Variants in BACE1 observed in about 807,000 individuals in gnomAD.
BACE1 encodes the protein APP beta-secretase.
A neutral mutation model predicts 54.0 loss-of-function variants in BACE1; 21 were observed. That is an observed-to-expected ratio of 0.39 (90% CI 0.28 to 0.56). The LOEUF (loss-of-function observed/expected upper bound fraction) is 0.56. Ranked by LOEUF, BACE1 falls within the 20% of genes least tolerant of loss-of-function variation. BACE1 has a pLI of 0.63. For synonymous variants in BACE1, 232 were observed against 260.9 expected (o/e 0.89, Z 1.07); for missense variants, 511 against 661.2 (o/e 0.77, Z 2.49).
At chr11:117,291,401 CT>C (rs1483006076) in intron 6 of BACE1, among the ~76,000 whole-genome samples, 1 of 152,134 alleles carries the variant, frequency 6.6e-6, no homozygotes, top group East Asian at 1.9e-4. Flanking sequence ...TCTCAGCCCC[CT>C]GAGTAGCTAG....
chr11:117,311,586 C>T (rs974197035), intron 1 of BACE1, among the ~76,000 whole-genome samples: 1 of 152,164 alleles, frequency 6.6e-6, no homozygotes, highest in Non-Finnish European at 1.5e-5. Flanking sequence ...GAGGGCCTCA[C>T]ACCTGGACTG....
At chr11:117,312,524 G>T (rs1028732495) in intron 1 of BACE1, among the ~76,000 whole-genome samples, 2 of 152,086 alleles carry the variant, frequency 1.3e-5, no homozygotes, top group South Asian at 2.1e-4. Flanking sequence ...GTGCAATGGC[G>T]TGATCTCGGC....
chr11:117,307,858 G>T (rs1385432175), intron 1 of BACE1, among the ~76,000 whole-genome samples: 1 of 152,182 alleles, frequency 6.6e-6, no homozygotes, highest in Non-Finnish European at 1.5e-5. Flanking sequence ...AGTTGTGGTG[G>T]CAGGGACTGG....
Position 117,293,247 on chromosome 11 carries a change from A to T in BACE1, c.706-59T>A. ...GGCACAGAAGGAGAGTGAGTCCCCC[A>T]AGGACCAAGCAATAAGATCAGTGAT... On this transcript the variant is annotated intron_variant, in intron 4 of 8. Coordinates refer to ENST00000313005, the MANE Select transcript of BACE1 (RefSeq NM_012104.6). The surrounding 1 kb of genome is among the most constrained non-coding windows in gnomAD (Gnocchi z 4.1). The T allele has an allele frequency of 1.3e-6, 2 of 1,579,988 alleles. No individual in the cohort carries two copies. The highest frequency in any genetic ancestry group is 8.6e-7 in the Non-Finnish European group (1 of 1,161,030).
chr11:117,306,290 T>C (rs2034832051), intron 1 of BACE1, among the ~76,000 whole-genome samples: 1 of 152,194 alleles, frequency 6.6e-6, no homozygotes, highest in Non-Finnish European at 1.5e-5. Flanking sequence ...ATTCGCCACC[T>C]GTTTTTCATG....
chr11:117,304,890 AT>A (rs373918923), intron 1 of BACE1, among the ~76,000 whole-genome samples: 20 of 146,040 alleles, frequency 1.4e-4, no homozygotes, highest in East Asian at 4.0e-4. Context: ...CTCCGTAATG[AT>A]TTTTTTTTTA....
At chr11:117,299,908 CACA>C (rs1454594643) in intron 1 of BACE1, among the ~76,000 whole-genome samples, 4 of 152,190 alleles carry the variant, frequency 2.6e-5, no homozygotes, top group African/African-American at 4.8e-5. Flanking sequence ...GGATCTCCTC[CACA>C]ACAAGTCTCT....
intron 1 of BACE1, among the ~76,000 whole-genome samples, chr11:117,304,390 C>T (rs1393401765): frequency 6.6e-6 from 1 of 152,202 alleles, no homozygotes; most frequent in African/African-American, 2.4e-5. Context: ...ACACGGAATC[C>T]TGAAAAAATG....
chr11:117,299,635 C>A, intron 1 of BACE1: 1 of 391,344 alleles, frequency 2.6e-6, no homozygotes, highest in Non-Finnish European at 5.1e-6. Flanking sequence ...CCTCCCTGCC[C>A]CTCTTCCCCT....
Position 117,315,643 on chromosome 11 carries a change from G to C in BACE1, c.153C>G (p.Pro51=). The change falls in exon 1 of 9, where the codon CCC becomes CCG. Residue 51 remains proline, a synonymous_variant. Transcript: ENST00000313005. The surrounding 1 kb of genome is among the most constrained non-coding windows in gnomAD (Gnocchi z 5.5). ...AGCTGCCCCTCCGGCCGGGCTCCTC[G>C]GGCTCTTCGTCGGTCTCCCGGGGCA... ...LRLPRETDEE[P]EEPGRRGSFV... 1 of 1,581,706 alleles carries C rather than the reference G, an allele frequency of 6.3e-7. No homozygotes were observed. The highest frequency in any genetic ancestry group is 1.4e-5 in the African/African-American group (1 of 71,868).
chr11:117,312,681 G>A (rs755692229), intron 1 of BACE1, among the ~76,000 whole-genome samples: 14 of 151,936 alleles, frequency 9.2e-5, no homozygotes, highest in Admixed American at 6.6e-4. Context: ...CAGGCTGGTC[G>A]CGAACTCCTG....
chr11:117,294,116 G>A lies in BACE1; in HGVS notation c.568-108C>T. On this transcript the variant is annotated intron_variant, in intron 3 of 8. Coordinates refer to ENST00000313005, the MANE Select transcript of BACE1 (RefSeq NM_012104.6). The stretch of plus-strand genomic sequence containing the variant: ...TTTGAAGGCTTGGGGGATGCTCCTT[G>A]GGAAAGACCATCTTAAGGCACTGAG... 3.0e-6 allele frequency: 4 copies of A among 1,311,752 alleles called. No homozygotes were observed. In the East Asian group the frequency reaches 9.6e-5, roughly 32 times the overall value. 81.3% of individuals were successfully genotyped at this position (1,311,752 alleles called of 1,614,324 possible). A position where few individuals can be genotyped will look rare whatever the true frequency, so the allele number is the denominator to read the frequency against.
At chr11:117,297,218 A>C (rs2034621935) in intron 1 of BACE1, 2 of 442,830 alleles carry the variant, frequency 4.5e-6, no homozygotes, top group Non-Finnish European at 7.9e-6. Flanking sequence ...AACTGAAAAA[A>C]GGCAGATTAG....
chr11:117,315,710 G>A lies in BACE1; in HGVS notation c.86C>T (p.Pro29Leu). 1 of 1,497,754 alleles carries A rather than the reference G, an allele frequency of 6.7e-7. No homozygotes were observed. The highest frequency in any genetic ancestry group is 8.9e-7 in the Non-Finnish European group (1 of 1,126,232). 92.8% of individuals were successfully genotyped at this position (1,497,754 alleles called of 1,614,324 possible). A position where few individuals can be genotyped will look rare whatever the true frequency, so the allele number is the denominator to read the frequency against. Residue 29 changes from proline (P) to leucine (L), a missense_variant, in exon 1 of 9, where the codon CCC (proline) becomes CTC (leucine). Coordinates refer to ENST00000313005, the MANE Select transcript of BACE1 (RefSeq NM_012104.6). This position sits in a 1 kb window ranked among gnomAD's most constrained non-coding sequence, Gnocchi z 5.5. ...AHGTQHGIRL[P>L]LRSGLGGAPL... ...GGCGCCCCCCAGGCCGCTGCGCAGG[G>A]GCAGCCGGATGCCGTGCTGGGTGCC...
At chr11:117,298,132 T>C (rs1358113298) in intron 1 of BACE1, among the ~76,000 whole-genome samples, 1 of 151,914 alleles carries the variant, frequency 6.6e-6, no homozygotes, top group Non-Finnish European at 1.5e-5. Context: ...TAAAATCCCA[T>C]CTCTACTAAA....
At position 117,298,127 on chromosome 11, in the gene BACE1, T is replaced by G. The variant is rs184816756; in HGVS notation, c.262-1166A>C. Among the ~76,000 whole-genome samples, 10 of 151,902 alleles carry G rather than the reference T, an allele frequency of 6.6e-5. No homozygotes were observed. In the East Asian group the frequency reaches 1.9e-3, roughly 29 times the overall value. ...GACCAGCCTGGTGAATGTAGTAAAA[T>G]CCCATCTCTACTAAAAATACAAAGA... On this transcript the variant is annotated intron_variant, in intron 1 of 8. Transcript: ENST00000313005.
intron 1 of BACE1, among the ~76,000 whole-genome samples, chr11:117,312,177 G>A (rs773687453): frequency 6.6e-6 from 1 of 152,062 alleles, no homozygotes; most frequent in Non-Finnish European, 1.5e-5. Context: ...AAACAACCAT[G>A]CTTAAGCCCT....
rs564291028 is a variant in BACE1, at chr11:117,292,768, C to T, written c.840+286G>A. 7 of 286,572 alleles carry T rather than the reference C, an allele frequency of 2.4e-5. No individual in the cohort carries two copies. The East Asian group carries it at 6.2e-4, about 25-fold the overall frequency. 17.8% of individuals were successfully genotyped at this position (286,572 alleles called of 1,614,324 possible). A position where few individuals can be genotyped will look rare whatever the true frequency, so the allele number is the denominator to read the frequency against. On this transcript the variant is annotated intron_variant, in intron 5 of 8. Transcript: ENST00000313005. ...AAAGACAAGACTCTTCATTCTATCA[C>T]CCTGTCTCACAAAAGACTTGCCCAA... is the stretch of plus-strand genomic sequence containing the variant.
chr11:117,315,900 G>A lies in BACE1; in HGVS notation c.-105C>T. 7.8e-7 allele frequency: 1 copy of A among 1,289,392 alleles called. No homozygotes were observed. The allele number at this position is 1,289,392 out of a possible 1,614,324, so 79.9% of individuals were successfully genotyped here. A position where few individuals can be genotyped will look rare whatever the true frequency, so the allele number is the denominator to read the frequency against. ...TGCTGGTGGCTTCTCAGGAGAGGGA[G>A]CTTGGGGGCATCAGGACGCCAGGGC... On this transcript the variant is annotated 5_prime_UTR_variant, in exon 1 of 9. Coordinates refer to ENST00000313005, the MANE Select transcript of BACE1 (RefSeq NM_012104.6). The surrounding 1 kb of genome is among the most constrained non-coding windows in gnomAD (Gnocchi z 5.5).
Sources: gnomAD v4.1 joint callset for allele counts (sites outside exome capture counted in the v4.1 genomes callset) on GRCh38, gnomAD v4.1.1 for gene constraint, Gnocchi (gnomAD v3.1) non-coding constraint, MANE v1.5 for transcripts, NCBI Gene and HGNC (gene_info 2026-07-23, HGNC 2026-07-21) for gene names.